The following SUCO variants were observed in gnomAD, a reference collection of about 807,000 sequenced individuals.
SUCO encodes SUN domain-containing ossification factor.
Under a neutral mutation model 148.1 loss-of-function variants are expected in SUCO, and 57 were observed. The ratio of observed to expected loss-of-function variants is 0.38; its 90% confidence interval spans 0.31 to 0.48. The LOEUF (loss-of-function observed/expected upper bound fraction) is 0.48, where lower values mean the gene tolerates loss of function less well. Ranked by LOEUF, SUCO falls within the 20% of genes least tolerant of loss-of-function variation. The probability of loss-of-function intolerance (pLI) is 0.96; values close to 1 mark genes in which losing one functional copy is unlikely to be tolerated. For missense variants in SUCO, 1,331 were observed against 1,468.2 expected, an observed-to-expected ratio of 0.91 and a Z score of 1.53; for synonymous variants, 470 against 502.7, an observed-to-expected ratio of 0.93 and a Z score of 0.87.
intron 11 of SUCO, 111 bp downstream of exon 11, chr1:172,575,734 T>C: frequency 1.6e-6 from 1 of 629,212 alleles, no homozygotes; most frequent in Non-Finnish European, 2.7e-6. Flanking sequence ...TAGACTACAC[T>C]ATACCACTTA....
intron 9 of SUCO, among the ~76,000 whole-genome samples, chr1:172,572,175 A>G (rs1388956508): frequency 1.5e-4 from 21 of 141,968 alleles, no homozygotes; most frequent in Admixed American, 9.0e-4. Context: ...CCCTCTACCC[A>G]GCCACCACCC....
intron 22 of SUCO, among the ~76,000 whole-genome samples, chr1:172,605,868 G>A (rs2149273120): frequency 6.6e-6 from 1 of 151,876 alleles, no homozygotes; most frequent in Admixed American, 6.6e-5. Flanking sequence ...TGATTGACAG[G>A]CATCTTTGTC....
At chr1:172,583,158 G>A (rs1655995380) in intron 15 of SUCO, among the ~76,000 whole-genome samples, 1 of 152,056 alleles carries the variant, frequency 6.6e-6, no homozygotes, top group Non-Finnish European at 1.5e-5. Flanking sequence ...GGTGTATGAG[G>A]AAATAACAGT....
At chr1:172,609,135 A>G (rs1658048989) in intron 23 of SUCO, 2 of 588,872 alleles carry the variant, frequency 3.4e-6, no homozygotes, top group Non-Finnish European at 4.3e-6. Flanking sequence ...GATTGTCATT[A>G]TTTATTACCG....
Position 172,589,196 on chromosome 1 carries a change from C to T in SUCO, c.2095C>T (p.Leu699=). The T allele has an allele frequency of 6.2e-7, 1 of 1,613,994 alleles. No individual in the cohort carries two copies. Among genetic ancestry groups the T allele is most frequent in the Non-Finnish European group, 8.5e-7 (1 of 1,179,930 alleles). ...AGAAAGGGAAGCTGAAACTGTTGTTCTGGGTGATTTAAGTAGTAGTATGCA... is the reference window on the plus strand; with the variant it reads ...AGAAAGGGAAGCTGAAACTGTTGTTTTGGGTGATTTAAGTAGTAGTATGCA... ...NIEREAETVV[L]GDLSSSMHQD... The change falls in exon 18 of 24, where the codon CTG becomes TTG. Residue 699 remains leucine (L), a synonymous_variant. Transcript: ENST00000263688.
chr1:172,546,492 A>G (rs1346711899), intron 1 of SUCO, among the ~76,000 whole-genome samples: 2 of 152,366 alleles, frequency 1.3e-5, no homozygotes, highest in East Asian at 3.9e-4. Context: ...TCGTAGTGGC[A>G]ACAAGTGATA....
intron 10 of SUCO, among the ~76,000 whole-genome samples, 156 bp downstream of exon 10, chr1:172,574,154 C>G (rs959647013): frequency 6.6e-6 from 1 of 152,052 alleles, no homozygotes; most frequent in African/African-American, 2.4e-5. Flanking sequence ...ATTGTAGGCT[C>G]TTGTTAATCA....
chr1:172,580,523 T>C (rs1655805497), intron 15 of SUCO, among the ~76,000 whole-genome samples: 1 of 152,196 alleles, frequency 6.6e-6, no homozygotes, highest in African/African-American at 2.4e-5. Flanking sequence ...GATATTAATG[T>C]TTTTGTTTCC....
At position 172,610,666 on chromosome 1, in the gene SUCO, A is replaced by G. The variant is rs1381018431; in HGVS notation, c.*407A>G. The G allele has an allele frequency of 6.4e-6, 1 of 156,280 alleles. No individual in the cohort carries two copies. The highest frequency in any genetic ancestry group is 2.4e-5 in the African/African-American group (1 of 41,506). The allele number at this position is 156,280 out of a possible 1,614,324, so 9.7% of individuals were successfully genotyped here. On this transcript the variant is annotated 3_prime_UTR_variant, in exon 24 of 24. Coordinates refer to ENST00000263688, the MANE Select transcript of SUCO (RefSeq NM_014283.5). ...TAATGCCACTGGAAGAGGAGGGATA[A>G]CTTTTTCTGTTATTTGATTTCTTTT...
At chr1:172,592,012 G>A (rs1656711656) in intron 19 of SUCO, among the ~76,000 whole-genome samples, 1 of 152,172 alleles carries the variant, frequency 6.6e-6, no homozygotes, top group Non-Finnish European at 1.5e-5. Flanking sequence ...GTTTTGAATT[G>A]CATTTCTCTG....
At position 172,573,907 on chromosome 1, in the gene SUCO, T is replaced by A. The variant is rs1655233842; in HGVS notation, c.1066T>A (p.Cys356Ser). Reference protein sequence around the residue: ...STKIWFVIELCEPIQVKQLDI... With the variant: ...STKIWFVIELSEPIQVKQLDI... ...TTTTTGAAGGTTTGTTATTGAACTT[T>A]GTGAACCAATTCAAGTAAAACAGCT... is the stretch of plus-strand genomic sequence containing the variant. The change falls in exon 10 of 24, where the codon TGT (cysteine) becomes AGT (serine). Residue 356 changes from cysteine (C) to serine (S), a missense_variant. Around this residue, in one of 3 missense-constraint regions of SUCO, gnomAD observed 992 missense variants for 1,093.5 expected, o/e 0.91. Coordinates refer to ENST00000263688, the MANE Select transcript of SUCO (RefSeq NM_014283.5). 6.3e-7 allele frequency: 1 copy of A among 1,588,072 alleles called. No homozygotes were observed.
At chr1:172,588,528 G>T in intron 17 of SUCO, 1 of 984,994 alleles carries the variant, frequency 1.0e-6, no homozygotes, top group Non-Finnish European at 1.2e-6. Context: ...TAAATATGGT[G>T]GTTTGAGTCA....
chr1:172,536,060 G>A (rs73032189), intron 1 of SUCO, among the ~76,000 whole-genome samples: 233 of 152,322 alleles, frequency 1.5e-3, no homozygotes, highest in African/African-American at 5.3e-3. Flanking sequence ...TTTGCTGACA[G>A]CTGTGTGTCA....
At chr1:172,598,483 A>G (rs1657277478) in intron 19 of SUCO, among the ~76,000 whole-genome samples, 1 of 152,148 alleles carries the variant, frequency 6.6e-6, no homozygotes. Flanking sequence ...CCAAAATTGA[A>G]TCTTGATTGA....
At chr1:172,532,392 T>G, upstream of SUCO, 1 of 1,108,402 alleles carries the variant, frequency 9.0e-7, no homozygotes, top group Non-Finnish European at 1.3e-6. Flanking sequence ...CGAAGCACAC[T>G]TAAAGTGAGG....
At chr1:172,588,311 A>T in intron 17 of SUCO, 1 of 985,264 alleles carries the variant, frequency 1.0e-6, no homozygotes, top group South Asian at 4.7e-5. Context: ...TAAGAATCCT[A>T]GATTCTAGTT....
chr1:172,572,779 A>G (rs1571234966), intron 9 of SUCO, among the ~76,000 whole-genome samples: 3 of 150,056 alleles, frequency 2.0e-5, no homozygotes, highest in South Asian at 2.1e-4. Context: ...TGACTGTTAG[A>G]TATTACAAGA....
intron 1 of SUCO, among the ~76,000 whole-genome samples, chr1:172,534,547 G>C (rs1040199222): frequency 6.6e-5 from 10 of 152,218 alleles, no homozygotes; most frequent in Non-Finnish European, 1.3e-4. Flanking sequence ...AAGGGGAAGA[G>C]AAAACACTCG....
intron 2 of SUCO, chr1:172,552,564 A>C (rs1401438804): frequency 2.1e-5 from 19 of 891,278 alleles, no homozygotes; most frequent in Non-Finnish European, 2.4e-5. Flanking sequence ...TTTTGGGCAT[A>C]TTTAGAGTGG....
Sources: gnomAD v4.1 joint callset for allele counts (sites outside exome capture counted in the v4.1 genomes callset) on GRCh38, gnomAD v4.1.1 for gene constraint, gnomAD v4.1.1 regional missense constraint, MANE v1.5 for transcripts, NCBI Gene and HGNC (gene_info 2026-07-23, HGNC 2026-07-21) for gene names.